CFAP65: variants seen among roughly 807,000 people sequenced by gnomAD.
The protein encoded by CFAP65 is cilia and flagella associated protein 65.
CFAP65 carries 155 observed loss-of-function variants against 208.0 expected under a neutral mutation model. The observed-to-expected ratio is 0.75, with a 90% CI of 0.65 to 0.85. The LOEUF is 0.85. Ranked by LOEUF, CFAP65 falls within the 40% of genes least tolerant of loss-of-function variation. CFAP65 has a pLI of 0.00. For missense variants in CFAP65, 2,294 were observed against 2,451.3 expected (o/e 0.94, Z 1.36); for synonymous variants, 970 against 986.3 (o/e 0.98, Z 0.31).
chr2:219,010,543 C>T lies in CFAP65; in HGVS notation c.4308+3G>A, dbSNP rs377726878. 4.4e-6 allele frequency: 7 copies of T among 1,607,232 alleles called. No homozygotes were observed. The African/African-American group carries it at 9.4e-5, about 22-fold the overall frequency. On this transcript the variant is annotated splice_donor_region_variant and intron_variant, in intron 26 of 34. Coordinates refer to ENST00000341552, the MANE Select transcript of CFAP65 (RefSeq NM_194302.4). Reference sequence around the variant, plus strand: ...CAGGCCTTCCTAGCTCCCCTTTCCCCACCTGTCCAGGCACCACCAGCCTAG... The same window carrying T: ...CAGGCCTTCCTAGCTCCCCTTTCCCTACCTGTCCAGGCACCACCAGCCTAG...
At chr2:219,005,641 G>T in intron 31 of CFAP65, 79 bp from the exon 32 acceptor site, 2 of 1,545,564 alleles carry the variant, frequency 1.3e-6, no homozygotes, top group Non-Finnish European at 8.9e-7. Context: ...GGTGGTAGCT[G>T]CCCAGTGATG....
intron 5 of CFAP65, chr2:219,034,288 G>A (rs910635214): frequency 3.3e-5 from 5 of 152,280 alleles, no homozygotes; most frequent in Middle Eastern, 3.4e-3. Context: ...ATCAAAGGGA[G>A]GGCCAAGAAT....
rs377711344 is a variant in CFAP65, at chr2:219,026,016, G to A, written c.2349+6C>T. On this transcript the variant is annotated splice_donor_region_variant and intron_variant, in intron 14 of 34. Transcript: ENST00000341552. ...TCCCTCCCACTGCTGTTGGGGCCAC[G>A]CTTACCTTGGGGACATCTAGGGAAT... 37 of 1,613,028 alleles carry A rather than the reference G, an allele frequency of 2.3e-5. No individual in the cohort carries two copies. Among genetic ancestry groups the A allele is most frequent in the Non-Finnish European group, 3.1e-5 (36 of 1,179,286 alleles).
Position 219,035,499 on chromosome 2 carries a change from G to C in CFAP65, c.523C>G (p.Leu175Val), listed in dbSNP as rs780846784. The change falls in exon 5 of 35, where the codon CTC becomes GTC. Residue 175 changes from leucine to valine, a missense_variant. This residue lies in a region of CFAP65 where 867 missense variants were observed against 1,012.6 expected (regional missense o/e 0.86). Transcript: ENST00000341552. Reference sequence around the variant, plus strand: ...TGGTACCTGTACTTCATCTTCTGGAGTTTCAAGGATCGATTTTTCAGAACC... The same window carrying C: ...TGGTACCTGTACTTCATCTTCTGGACTTTCAAGGATCGATTTTTCAGAACC... ...NLVLKNRSLK[L>V]QKMKYRPPKT... The C allele has an allele frequency of 5.5e-5, 89 of 1,613,934 alleles. No individual in the cohort carries two copies. Among genetic ancestry groups the C allele is most frequent in the Non-Finnish European group, 7.2e-5 (85 of 1,180,024 alleles).
chr2:219,027,111 TGGGCAGGACTAACGGATGAGGAGG>T, intron 13 of CFAP65: 1 of 1,067,266 alleles, frequency 9.4e-7, no homozygotes, highest in Non-Finnish European at 1.1e-6. Context: ...AAGGAAGGGA[TGGGCAGGACTAACGGATGAGGAGG>T]GGGCACCACG....
chr2:219,038,811 A>C, intron 3 of CFAP65, 85 bp downstream of exon 3: 2 of 1,457,494 alleles, frequency 1.4e-6, no homozygotes, highest in Non-Finnish European at 1.9e-6. Flanking sequence ...CTTGGGGACA[A>C]GGCCCACCCC....
chr2:219,007,137 A>G (rs1217945134), intron 29 of CFAP65, among the ~76,000 whole-genome samples: 1 of 150,488 alleles, frequency 6.6e-6, no homozygotes, highest in African/African-American at 2.5e-5. Flanking sequence ...GCCCCCAAGA[A>G]GAGTTTTTTT....
intron 27 of CFAP65, 148 bp downstream of exon 27, chr2:219,009,794 G>A: frequency 2.2e-6 from 1 of 451,764 alleles, no homozygotes; most frequent in Non-Finnish European, 3.5e-6. Flanking sequence ...GGTGGGATAG[G>A]GTGGGATGGG....
At chr2:219,030,997 C>T (rs1186046010) in intron 8 of CFAP65, 109 bp downstream of exon 8, 26 of 1,414,258 alleles carry the variant, frequency 1.8e-5, no homozygotes, top group East Asian at 2.5e-5. Flanking sequence ...GGCAGGAGGC[C>T]GGTGGAGGCG....
At chr2:219,028,441 T>A in intron 11 of CFAP65, 40 bp from the exon 12 acceptor site, 1 of 1,360,670 alleles carries the variant, frequency 7.3e-7, no homozygotes, top group Non-Finnish European at 1.0e-6. Context: ...ATGGGAGGGG[T>A]GGTAGGGCAA....
At chr2:219,037,891 G>A (rs1355312270) in intron 4 of CFAP65, among the ~76,000 whole-genome samples, 1 of 152,160 alleles carries the variant, frequency 6.6e-6, no homozygotes, top group Admixed American at 6.5e-5. Context: ...TCATCACATA[G>A]AGAGAACTAC....
Position 219,027,709 on chromosome 2 carries a change from G to A in CFAP65, c.2152C>T (p.Gln718Ter), listed in dbSNP as rs1185065204. The A allele has an allele frequency of 6.2e-7, 1 of 1,614,072 alleles. No homozygotes were observed. Among genetic ancestry groups the A allele is most frequent in the Admixed American group, 1.7e-5 (1 of 60,028 alleles). Residue 718 changes from glutamine to a stop codon, truncating the protein, a stop_gained, in exon 13 of 35, where the codon CAG becomes TAG. Coordinates refer to ENST00000341552, the MANE Select transcript of CFAP65 (RefSeq NM_194302.4). LOFTEE classifies it high-confidence loss of function. ...TAAAGGCAGTTGGGGTGAGGCGGCT[G>A]GAAGTGCAGGCGCATGGCCATGGAC... is the stretch of plus-strand genomic sequence containing the variant. ...LKSMAMRLHF[Q>*]PPHPNCLYTV...
At chr2:219,040,668 G>A in intron 1 of CFAP65, 104 bp from the exon 2 acceptor site, 6 of 1,518,876 alleles carry the variant, frequency 4.0e-6, no homozygotes, top group Non-Finnish European at 5.3e-6. Context: ...TGTACAGACA[G>A]CTCCTGCCTC....
At position 219,004,583 on chromosome 2, in the gene CFAP65, G is replaced by C; in HGVS notation, c.5052-128C>G. ...GTGGGGAGAGGGGAGCCCTTGGTCA[G>C]TTGTTCCTCCTGTCCCTTCTTTCAA... On this transcript the variant is annotated intron_variant, in intron 32 of 34. Coordinates refer to ENST00000341552, the MANE Select transcript of CFAP65 (RefSeq NM_194302.4). This position sits in a 1 kb window ranked among gnomAD's most constrained non-coding sequence, Gnocchi z 4.7. The C allele has an allele frequency of 1.0e-6, 1 of 971,076 alleles. No homozygotes were observed. The highest frequency in any genetic ancestry group is 1.7e-5 in the South Asian group (1 of 60,120). 60.2% of individuals were successfully genotyped at this position (971,076 alleles called of 1,614,324 possible).
rs1947909504 is a variant in CFAP65 at position 219,030,000 on chromosome 2, A to G, written c.1370T>C (p.Val457Ala). Reference protein sequence around the residue: ...GCASKTLLKVVGFCRGPAVSL... With the variant: ...GCASKTLLKVAGFCRGPAVSL... ...GTCACCGGTACCTCTACAGAAACCA[A>G]CGACTTTAAGCAGGGTCTTGGAGGC... The change falls in exon 10 of 35, where the codon GTT (valine) becomes GCT (alanine). Residue 457 changes from valine to alanine, a missense_variant. Coordinates refer to ENST00000341552, the MANE Select transcript of CFAP65 (RefSeq NM_194302.4). The G allele has an allele frequency of 1.2e-6, 2 of 1,613,738 alleles. No homozygotes were observed. The highest frequency in any genetic ancestry group is 1.7e-5 in the Admixed American group (1 of 59,998).
chr2:219,026,804 GC>G, intron 13 of CFAP65: 1 of 986,144 alleles, frequency 1.0e-6, no homozygotes, highest in African/African-American at 1.7e-5. Context: ...TATCTGACAG[GC>G]TGAACCTCAG....
At chr2:219,021,060 C>T in intron 19 of CFAP65, 92 bp downstream of exon 19, 1 of 1,405,278 alleles carries the variant, frequency 7.1e-7, no homozygotes. Context: ...GCCAGCTCTG[C>T]CTGACGCTCG....
rs1238712755 is a variant in CFAP65, at chr2:219,004,897, CTATT to C, written c.5052-446_5052-443del. Among the ~76,000 whole-genome samples the C allele has an allele frequency of 2.7e-5, 4 of 148,964 alleles. No individual in the cohort carries two copies. Among genetic ancestry groups the C allele is most frequent in the African/African-American group, 1.0e-4 (4 of 38,730 alleles). On this transcript the variant is annotated intron_variant, in intron 32 of 34. Transcript: ENST00000341552. This position sits in a 1 kb window ranked among gnomAD's most constrained non-coding sequence, Gnocchi z 4.7. ...TTCTTTTTTTCTTTTCTCTCTCTCTCTATTTCTCTCTTTCTTTCTCTCTCTTTCT... is the reference window on the plus strand; with the variant it reads ...TTCTTTTTTTCTTTTCTCTCTCTCTCTCTCTCTTTCTTTCTCTCTCTTTCT...
At position 219,005,494 on chromosome 2, in the gene CFAP65, C is replaced by A; in HGVS notation, c.4991G>T (p.Trp1664Leu). Residue 1664 changes from tryptophan to leucine, a missense_variant, in exon 32 of 35, where the codon TGG becomes TTG. Coordinates refer to ENST00000341552, the MANE Select transcript of CFAP65 (RefSeq NM_194302.4). ...ETSEEKSPNKWGPVSKQKKQL... is the reference protein window; with the variant it reads ...ETSEEKSPNKLGPVSKQKKQL... ...CTTCTTCTGCTTGGAAACAGGGCCCCACTTGTTAGGGGATTTTTCCTCAGA... is the reference window on the plus strand; with the variant it reads ...CTTCTTCTGCTTGGAAACAGGGCCCAACTTGTTAGGGGATTTTTCCTCAGA... The A allele has an allele frequency of 6.2e-7, 1 of 1,613,662 alleles. No homozygotes were observed. Among genetic ancestry groups the A allele is most frequent in the Non-Finnish European group, 8.5e-7 (1 of 1,179,982 alleles).
Sources: allele counts gnomAD v4.1 joint callset (sites outside exome capture counted in the v4.1 genomes callset), GRCh38; gene constraint gnomAD v4.1.1; regional missense constraint gnomAD v4.1.1; non-coding constraint Gnocchi (gnomAD v3.1); transcripts MANE v1.5; gene names NCBI Gene and HGNC (gene_info 2026-07-23, HGNC 2026-07-21).